SLC30A7: variants seen among roughly 807,000 people sequenced by gnomAD.
The protein encoded by SLC30A7 is solute carrier family 30 member 7, also known as zinc transporter 7.
In SLC30A7, 35 loss-of-function variants were observed where a neutral mutation model predicts 46.0. The observed-to-expected ratio is 0.76, with a 90% CI of 0.58 to 1.01. The LOEUF is 1.01. Ranked by LOEUF, SLC30A7 falls within the 50% of genes least tolerant of loss-of-function variation. The pLI, the probability that SLC30A7 is intolerant of heterozygous loss-of-function variation, is 0.00. For synonymous variants in SLC30A7, 147 were observed against 157.8 expected (o/e 0.93, Z 0.51); for missense variants, 464 against 451.1 (o/e 1.03, Z -0.26).
intron 8 of SLC30A7, among the ~76,000 whole-genome samples, chr1:100,958,286 CCTGCCTCAGCCTCCTGAGTA>C: frequency 6.6e-6 from 1 of 152,178 alleles, no homozygotes; most frequent in East Asian, 1.9e-4. Flanking sequence ...ACGCCATTCT[CCTGCCTCAGCCTCCTGAGTA>C]GCTGGGACCA....
In SLC30A7 at chr1:100,975,020, A is replaced by G; in HGVS notation, c.*163A>G. 2.2e-6 allele frequency: 1 copy of G among 446,812 alleles called. No individual in the cohort carries two copies. Among genetic ancestry groups the G allele is most frequent in the East Asian group, 3.3e-5 (1 of 30,286 alleles). The allele number at this position is 446,812 out of a possible 1,614,324, so 27.7% of individuals were successfully genotyped here. ...GCCGTTCATGCTTTGTGGGGAGTTC[A>G]CAGCTAAGGGATCAGATTTAAGAGG... is the stretch of plus-strand genomic sequence containing the variant. On this transcript the variant is annotated 3_prime_UTR_variant, in exon 11 of 11. Coordinates refer to ENST00000357650, the MANE Select transcript of SLC30A7 (RefSeq NM_133496.5).
chr1:100,973,624 G>A (rs1257968541), intron 10 of SLC30A7, among the ~76,000 whole-genome samples: 1 of 152,094 alleles, frequency 6.6e-6, no homozygotes, highest in African/African-American at 2.4e-5. Context: ...AAGGTGATAA[G>A]TTTACTGGGA....
intron 3 of SLC30A7, among the ~76,000 whole-genome samples, chr1:100,910,080 G>A (rs1378312811): frequency 6.6e-6 from 1 of 152,006 alleles, no homozygotes; most frequent in Non-Finnish European, 1.5e-5. Context: ...GCACTTGACA[G>A]GACAAACTCC....
chr1:100,972,020 G>A (rs114229775), intron 10 of SLC30A7, among the ~76,000 whole-genome samples: 3,601 of 152,184 alleles, frequency 0.024, 133 homozygotes, highest in African/African-American at 0.079. Flanking sequence ...AATGTTGACT[G>A]GAGTATGGTT....
At chr1:100,971,924 A>T (rs1187142681) in intron 10 of SLC30A7, among the ~76,000 whole-genome samples, 1 of 152,132 alleles carries the variant, frequency 6.6e-6, no homozygotes, top group Admixed American at 6.6e-5. Context: ...TGTATTGAAG[A>T]TATTCTAAGC....
chr1:100,902,150 T>C (rs1271639182), intron 2 of SLC30A7, among the ~76,000 whole-genome samples: 2 of 152,144 alleles, frequency 1.3e-5, no homozygotes, highest in Non-Finnish European at 2.9e-5. Context: ...AATCATGATA[T>C]CAAGTTTAAG....
At chr1:100,909,043 ATGTGTGTGTG>A (rs72292631) in intron 3 of SLC30A7, among the ~76,000 whole-genome samples, 5 of 148,258 alleles carry the variant, frequency 3.4e-5, no homozygotes, top group South Asian at 2.1e-4. Context: ...TCCTCTCTTT[ATGTGTGTGTG>A]TGTGTGTGTG....
chr1:100,964,851 A>G (rs1655781174), intron 9 of SLC30A7, among the ~76,000 whole-genome samples: 1 of 152,218 alleles, frequency 6.6e-6, no homozygotes, highest in African/African-American at 2.4e-5. Flanking sequence ...GAGTCCAAAA[A>G]GAGGAAGAAA....
In SLC30A7 at chr1:100,961,805, ATTGTTGTCTT is replaced by A; in HGVS notation, c.843-22_843-13del. 6.9e-7 allele frequency: 1 copy of A among 1,457,738 alleles called. No homozygotes were observed. 90.3% of individuals were successfully genotyped at this position (1,457,738 alleles called of 1,614,324 possible). A position where few individuals can be genotyped will look rare whatever the true frequency, so the allele number is the denominator to read the frequency against. On this transcript the variant is annotated splice_polypyrimidine_tract_variant and intron_variant, in intron 8 of 10. Transcript: ENST00000357650. ...GATTAGCAGAATGTGACTTTAATAA[ATTGTTGTCTT>A]CCTTTTCCTTAGTGTTATTCCTCTT...
chr1:100,949,811 C>A (rs1159912465), intron 8 of SLC30A7, among the ~76,000 whole-genome samples: 1 of 152,230 alleles, frequency 6.6e-6, no homozygotes, highest in Non-Finnish European at 1.5e-5. Flanking sequence ...GTATGGGACC[C>A]ACTAAGCCAG....
At position 100,976,132 on chromosome 1, in the gene SLC30A7, T is replaced by G. The variant is rs1349479620; in HGVS notation, c.*1275T>G. ...CTTAAAACATCTGCTGAATTCCAAA[T>G]TTCTGTAATAGCTACTGTATCTGTG... On this transcript the variant is annotated 3_prime_UTR_variant, in exon 11 of 11. Transcript: ENST00000357650. 1.3e-5 allele frequency: 2 copies of G among 152,330 alleles called. No homozygotes were observed. The highest frequency in any genetic ancestry group is 4.8e-5 in the African/African-American group (2 of 41,454). The allele number at this position is 152,330 out of a possible 1,614,324, so 9.4% of individuals were successfully genotyped here.
At chr1:100,932,162 C>T (rs11166532) in intron 8 of SLC30A7, among the ~76,000 whole-genome samples, 22 of 152,288 alleles carry the variant, frequency 1.4e-4, no homozygotes, top group African/African-American at 5.3e-4. Context: ...TGCCTGTAAT[C>T]CCAGCACTTT....
At chr1:100,905,999 G>C (rs1272697551) in intron 2 of SLC30A7, among the ~76,000 whole-genome samples, 1 of 152,158 alleles carries the variant, frequency 6.6e-6, no homozygotes, top group African/African-American at 2.4e-5. Context: ...TATATGTCCA[G>C]AAATGGGCAC....
At chr1:100,937,504 A>G (rs1654043346) in intron 8 of SLC30A7, among the ~76,000 whole-genome samples, 1 of 152,182 alleles carries the variant, frequency 6.6e-6, no homozygotes, top group African/African-American at 2.4e-5. Context: ...TATCTACCAG[A>G]AAACCCATTA....
intron 8 of SLC30A7, among the ~76,000 whole-genome samples, chr1:100,955,501 G>T (rs1655175387): frequency 6.6e-6 from 1 of 152,016 alleles, no homozygotes; most frequent in African/African-American, 2.4e-5. Flanking sequence ...TAGGGAAATG[G>T]TGCTTCATTG....
At chr1:100,896,407 G>C in intron 1 of SLC30A7, 65 bp downstream of exon 1, 1 of 1,567,772 alleles carries the variant, frequency 6.4e-7, no homozygotes, top group Non-Finnish European at 8.8e-7. Context: ...CAGACCTCAG[G>C]ATGGCCCGAG....
Position 100,981,156 on chromosome 1 carries a change from G to A in SLC30A7, c.*6299G>A, listed in dbSNP as rs1656909349. On this transcript the variant is annotated 3_prime_UTR_variant, in exon 11 of 11. Transcript: ENST00000357650. ...TTTTTTATTTAGAATTTTAATATTT[G>A]AATTTTGTTTATGTATCACATACTG... is the stretch of plus-strand genomic sequence containing the variant. 6.6e-6 allele frequency: 1 copy of A among 151,812 alleles called. No individual in the cohort carries two copies. The highest frequency in any genetic ancestry group is 1.5e-5 in the Non-Finnish European group (1 of 67,904). The allele number at this position is 151,812 out of a possible 1,614,324, so 9.4% of individuals were successfully genotyped here. A position where few individuals can be genotyped will look rare whatever the true frequency, so the allele number is the denominator to read the frequency against.
intron 10 of SLC30A7, among the ~76,000 whole-genome samples, chr1:100,967,142 C>A (rs565456327): frequency 6.6e-6 from 1 of 152,276 alleles, no homozygotes; most frequent in East Asian, 1.9e-4. Flanking sequence ...TGTTCTCAGT[C>A]TAGTTTGTTG....
chr1:100,962,788 G>A (rs1022477687), intron 9 of SLC30A7, among the ~76,000 whole-genome samples: 1 of 152,170 alleles, frequency 6.6e-6, no homozygotes, highest in African/African-American at 2.4e-5. Context: ...GAGGATGAAA[G>A]CAAAGAAAAC....
Sources: gnomAD v4.1 joint callset for allele counts (sites outside exome capture counted in the v4.1 genomes callset) on GRCh38, gnomAD v4.1.1 for gene constraint, MANE v1.5 for transcripts, NCBI Gene and HGNC (gene_info 2026-07-23, HGNC 2026-07-21) for gene names.